Variants in YEATS2 observed in about 807,000 individuals in gnomAD.
YEATS2 encodes YEATS domain-containing protein 2.
A neutral mutation model predicts 163.2 loss-of-function variants in YEATS2; 77 were observed. The observed-to-expected ratio is 0.47, with a 90% CI of 0.39 to 0.57. YEATS2 has a LOEUF of 0.57. Among genes scored for constraint, YEATS2 ranks in the 20% least tolerant of loss-of-function variants. The pLI, the probability that YEATS2 is intolerant of heterozygous loss-of-function variation, is 0.00. For missense variants in YEATS2, 1,549 were observed against 1,729.8 expected, an observed-to-expected ratio of 0.90 and a Z score of 1.85; for synonymous variants, 631 against 645.1, an observed-to-expected ratio of 0.98 and a Z score of 0.33.
intron 9 of YEATS2, among the ~76,000 whole-genome samples, chr3:183,748,521 T>G (rs2109260717): frequency 6.6e-6 from 1 of 152,326 alleles, no homozygotes; most frequent in Non-Finnish European, 1.5e-5. Context: ...TCCACCCGCT[T>G]TGGCCTCCCA....
chr3:183,752,725 A>T (rs916166982), intron 10 of YEATS2, among the ~76,000 whole-genome samples: 1 of 151,034 alleles, frequency 6.6e-6, no homozygotes, highest in African/African-American at 2.4e-5. Context: ...AAAAAAAAAA[A>T]TTTCCATGAA....
In YEATS2 at chr3:183,792,391, C is replaced by T. The variant is rs192997115; in HGVS notation, c.3097+1411C>T. Among the ~76,000 whole-genome samples, 26 of 152,194 alleles carry T rather than the reference C, an allele frequency of 1.7e-4. No individual in the cohort carries two copies. In the East Asian group the frequency reaches 1.7e-3, roughly 10 times the overall value. Reference sequence around the variant, plus strand: ...GTTCCCACTTATGAGTGAGAACATGCGGTGTGTGGTTTTCTGTTCCTGTGT... The same window carrying T: ...GTTCCCACTTATGAGTGAGAACATGTGGTGTGTGGTTTTCTGTTCCTGTGT... On this transcript the variant is annotated intron_variant, in intron 21 of 30. Transcript: ENST00000305135.
rs1234968729 is a variant in YEATS2, at chr3:183,717,705, TTGAAA to T, written c.160_164del (p.Met54GlufsTer2). On this transcript the variant is annotated frameshift_variant, in exon 3 of 31. Coordinates refer to ENST00000305135, the MANE Select transcript of YEATS2 (RefSeq NM_018023.5). LOFTEE classifies it high-confidence loss of function. ...ACTATTATCAAAGAACAGTTTGCTC[TTGAAA>T]TGAAGAATAAGGAACATGAAATTGA... is the stretch of plus-strand genomic sequence containing the variant. The T allele has an allele frequency of 6.4e-7, 1 of 1,568,802 alleles. No individual in the cohort carries two copies.
Position 183,736,834 on chromosome 3 carries a change from T to G in YEATS2, c.924+5T>G. ...GATATCATACATAATCTGAAGGTATTGTAACAAAACATTGCTCCCTAGTTT... is the reference window on the plus strand; with the variant it reads ...GATATCATACATAATCTGAAGGTATGGTAACAAAACATTGCTCCCTAGTTT... On this transcript the variant is annotated splice_donor_5th_base_variant and intron_variant, in intron 8 of 30. Transcript: ENST00000305135. 1 of 1,608,492 alleles carries G rather than the reference T, an allele frequency of 6.2e-7. No homozygotes were observed.
At chr3:183,797,733 T>C (rs1415230410) in intron 21 of YEATS2, among the ~76,000 whole-genome samples, 190 bp from the exon 22 acceptor site, 1 of 152,058 alleles carries the variant, frequency 6.6e-6, no homozygotes, top group African/African-American at 2.4e-5. Context: ...AAATAAACAA[T>C]TATTGTCATG....
intron 26 of YEATS2, 181 bp downstream of exon 26, chr3:183,803,516 G>T: frequency 1.6e-6 from 1 of 634,340 alleles, no homozygotes; most frequent in Non-Finnish European, 2.7e-6. Context: ...TTCTTTTCCT[G>T]CACTGGCAGA....
intron 1 of YEATS2, among the ~76,000 whole-genome samples, chr3:183,713,507 G>A (rs1173779989): frequency 6.6e-6 from 1 of 152,184 alleles, no homozygotes; most frequent in Non-Finnish European, 1.5e-5. Context: ...AGGCTGCAGT[G>A]AGCCGAGATT....
Position 183,746,835 on chromosome 3 carries a change from C to T in YEATS2, c.925-837C>T, listed in dbSNP as rs536758376. ...TTGGCTGCTAAGAAACTCAGCCAGA[C>T]GTGACACCTACCTCTCATAAGCCTT... is the stretch of plus-strand genomic sequence containing the variant. On this transcript the variant is annotated intron_variant, in intron 8 of 30. Transcript: ENST00000305135. Among the ~76,000 whole-genome samples the T allele has an allele frequency of 3.3e-5, 5 of 152,158 alleles. No homozygotes were observed. The East Asian group carries it at 5.8e-4, about 18-fold the overall frequency.
chr3:183,778,690 TTTC>T (rs1413217965), intron 19 of YEATS2, among the ~76,000 whole-genome samples: 1 of 152,150 alleles, frequency 6.6e-6, no homozygotes, highest in African/African-American at 2.4e-5. Flanking sequence ...GGTCAGTAGT[TTTC>T]TTAGTAATTT....
chr3:183,797,641 G>C (rs371423373), intron 21 of YEATS2, among the ~76,000 whole-genome samples: 1 of 152,070 alleles, frequency 6.6e-6, no homozygotes, highest in Non-Finnish European at 1.5e-5. Context: ...CAAGAAAATC[G>C]CTTGAACCTG....
rs61693521 is a variant in YEATS2, at chr3:183,721,857, T to C, written c.292-34T>C. On this transcript the variant is annotated intron_variant, in intron 4 of 30. Transcript: ENST00000305135. ...TTTGCCTGCTTTTGATGGATTTGAT[T>C]AAAAATTTATTTGCTTGCTTTCATT... The C allele has an allele frequency of 1.6e-3, 2,526 of 1,606,944 alleles. 36 individuals are homozygous for C. In the African/African-American group the frequency reaches 0.031, roughly 20 times the overall value.
At chr3:183,788,661 C>T (rs373536341) in intron 20 of YEATS2, among the ~76,000 whole-genome samples, 7 of 152,278 alleles carry the variant, frequency 4.6e-5, no homozygotes, top group Admixed American at 6.5e-5. Flanking sequence ...TGGGTATATA[C>T]CTAGCAGTGG....
chr3:183,801,434 A>AT (rs562879448), intron 24 of YEATS2, 21 bp from the exon 25 acceptor site: 231 of 1,562,054 alleles, frequency 1.5e-4, no homozygotes, highest in South Asian at 4.3e-4. Flanking sequence ...TATTGCCTTA[A>AT]TTTTTTTTTA....
At chr3:183,712,214 T>TTATGTTATGTTATGTTACA (rs1715312578) in intron 1 of YEATS2, among the ~76,000 whole-genome samples, 5 of 103,084 alleles carry the variant, frequency 4.9e-5, no homozygotes, top group African/African-American at 1.5e-4. Context: ...TTTATTTTAT[T>TTATGTTATGTTATGTTACA]TTATTTTATT....
At chr3:183,698,298 A>G (rs1032311492) in intron 1 of YEATS2, among the ~76,000 whole-genome samples, 10 of 152,122 alleles carry the variant, frequency 6.6e-5, no homozygotes, top group Admixed American at 3.9e-4. Flanking sequence ...TTAGGATGTT[A>G]AGCTCTTGGC....
At chr3:183,800,854 C>T (rs1224717661) in intron 24 of YEATS2, 1 of 307,148 alleles carries the variant, frequency 3.3e-6, no homozygotes, top group Non-Finnish European at 6.1e-6. Context: ...CTCTGCTGAG[C>T]CCGTAGGCAC....
chr3:183,788,396 G>A (rs540528791), intron 20 of YEATS2, among the ~76,000 whole-genome samples: 30 of 152,230 alleles, frequency 2.0e-4, no homozygotes, highest in African/African-American at 6.0e-4. Context: ...GAGTGAGAAC[G>A]TGTGAAATGT....
Position 183,807,002 on chromosome 3 carries a change from C to A in YEATS2, c.3921C>A (p.Ile1307=), listed in dbSNP as rs975306703. Reference sequence around the variant, plus strand: ...TCTCCGAGCCAGTGAAGATAAACATCAAGAAGGAGCAGGAAGAGAAACAAG... The same window carrying A: ...TCTCCGAGCCAGTGAAGATAAACATAAAGAAGGAGCAGGAAGAGAAACAAG... ...LSLSEPVKIN[I]KKEQEEKQEE... is the part of the protein sequence containing the mutation. Residue 1307 remains isoleucine, a synonymous_variant, in exon 28 of 31, where the codon ATC becomes ATA. Transcript: ENST00000305135. The A allele has an allele frequency of 1.2e-6, 2 of 1,613,990 alleles. No individual in the cohort carries two copies. Among genetic ancestry groups the A allele is most frequent in the African/African-American group, 2.7e-5 (2 of 74,924 alleles).
In YEATS2 at chr3:183,772,434, G is replaced by T. The variant is rs116616592; in HGVS notation, c.2077G>T (p.Val693Leu). 11,497 of 1,614,180 alleles carry T rather than the reference G, an allele frequency of 7.1e-3. 61 individuals are homozygous for T. The highest frequency in any genetic ancestry group is 8.3e-3 in the Non-Finnish European group (9,765 of 1,180,032). ...CAAAGCAGTTGGGCCAAAGCAAGTT[G>T]TAACCCAAGGAGTTGCCAAAGCAAT... ...VSKAVGPKQVVTQGVAKAIVS... is the reference protein window; with the variant it reads ...VSKAVGPKQVLTQGVAKAIVS... The change falls in exon 16 of 31, where the codon GTA (valine) becomes TTA (leucine). Residue 693 changes from valine (V) to leucine (L), a missense_variant. Physicochemically the swap from Val to Leu is conservative, Grantham distance 32. Transcript: ENST00000305135.
Sources: allele counts gnomAD v4.1 joint callset (sites outside exome capture counted in the v4.1 genomes callset), GRCh38; gene constraint gnomAD v4.1.1; transcripts MANE v1.5; gene names NCBI Gene and HGNC (gene_info 2026-07-23, HGNC 2026-07-21).